Variants in SMCHD1 observed in about 807,000 individuals in gnomAD.
SMCHD1 encodes the protein structural maintenance of chromosomes flexible hinge domain-containing protein 1.
Under a neutral mutation model 254.7 loss-of-function variants are expected in SMCHD1, and 78 were observed. The ratio of observed to expected loss-of-function variants is 0.31; its 90% CI spans 0.26 to 0.37. The LOEUF is 0.37. Among genes scored for constraint, SMCHD1 ranks in the 10% least tolerant of loss-of-function variants. The pLI is 1.00. For synonymous variants in SMCHD1, 766 were observed against 794.9 expected (o/e 0.96, Z 0.61); for missense variants, 1,840 against 2,408.1 (o/e 0.76, Z 4.94).
chr18:2,792,507 C>T (rs905638945), intron 45 of SMCHD1, among the ~76,000 whole-genome samples: 1 of 152,158 alleles, frequency 6.6e-6, no homozygotes, highest in Admixed American at 6.5e-5. Context: ...GCACAGGGTT[C>T]AGTAGTATCC....
At chr18:2,776,703 GTC>G in intron 42 of SMCHD1, among the ~76,000 whole-genome samples, 1 of 152,092 alleles carries the variant, frequency 6.6e-6, no homozygotes. Context: ...GGAGAATGGT[GTC>G]TCATTAAGAG....
At chr18:2,661,674 G>A (rs1289841750) in intron 1 of SMCHD1, among the ~76,000 whole-genome samples, 2 of 152,110 alleles carry the variant, frequency 1.3e-5, no homozygotes, top group Non-Finnish European at 2.9e-5. Flanking sequence ...AGGCAATACT[G>A]GATACAATTA....
Position 2,674,040 on chromosome 18 carries a change from C to T in SMCHD1, c.533C>T (p.Pro178Leu), listed in dbSNP as rs753740668. 2 of 1,594,798 alleles carry T rather than the reference C, an allele frequency of 1.3e-6. No homozygotes were observed. Among genetic ancestry groups the T allele is most frequent in the Non-Finnish European group, 8.5e-7 (1 of 1,170,130 alleles). The change falls in exon 5 of 48, where the codon CCT becomes CTT. Residue 178 changes from proline to leucine, a missense_variant. This residue lies in a region of SMCHD1 where 498 missense variants were observed against 743.5 expected (regional missense o/e 0.67). Transcript: ENST00000320876. ...KLLFDETQGKPAVAVIDNGRG... is the reference protein window; with the variant it reads ...KLLFDETQGKLAVAVIDNGRG... ...CTTTTTGATGAAACACAAGGAAAAC[C>T]TGCTGTTGCAGTGATAGATAATGGA... is the stretch of plus-strand genomic sequence containing the variant.
chr18:2,688,797 G>C, intron 7 of SMCHD1, 50 bp downstream of exon 7: 1 of 1,103,494 alleles, frequency 9.1e-7, no homozygotes, highest in Non-Finnish European at 1.3e-6. Flanking sequence ...TTGGATAGAC[G>C]GTGGGACAGA....
At chr18:2,679,169 A>G (rs1347587388) in intron 5 of SMCHD1, among the ~76,000 whole-genome samples, 1 of 146,832 alleles carries the variant, frequency 6.8e-6, no homozygotes, top group Admixed American at 6.7e-5. Context: ...TTTGAAGGCT[A>G]CTTGTGCTGG....
chr18:2,682,409 C>A (rs532158219), intron 5 of SMCHD1, among the ~76,000 whole-genome samples: 36 of 151,972 alleles, frequency 2.4e-4, no homozygotes, highest in African/African-American at 8.4e-4. Flanking sequence ...TCACTGCAAC[C>A]CTGCCTCCCA....
At chr18:2,740,608 AGAGT>A in intron 27 of SMCHD1, 91 bp from the exon 28 acceptor site, 1 of 527,892 alleles carries the variant, frequency 1.9e-6, no homozygotes, top group Non-Finnish European at 3.1e-6. Flanking sequence ...AAGAGAACAA[AGAGT>A]AAGTTTCTAA....
At chr18:2,790,597 T>C (rs1356508796) in intron 45 of SMCHD1, among the ~76,000 whole-genome samples, 1 of 152,026 alleles carries the variant, frequency 6.6e-6, no homozygotes, top group African/African-American at 2.4e-5. Flanking sequence ...CCATCTCTAC[T>C]AAAAATACAA....
intron 45 of SMCHD1, among the ~76,000 whole-genome samples, chr18:2,785,670 A>AAAAAAAAAAAAAAAAAG (rs57180698): frequency 1.0e-5 from 1 of 97,932 alleles, no homozygotes; most frequent in Non-Finnish European, 1.9e-5. Context: ...AAAAAAAAAA[A>AAAAAAAAAAAAAAAAAG]ACAGTTCATT....
At chr18:2,767,584 C>CTTTTTTTTTTTT (rs397858216) in intron 37 of SMCHD1, among the ~76,000 whole-genome samples, 2 of 89,250 alleles carry the variant, frequency 2.2e-5, no homozygotes, top group Non-Finnish European at 4.0e-5. Context: ...AACCTATTTC[C>CTTTTTTTTTTTT]TTTTTTTTTT....
chr18:2,786,020 T>C (rs2076234740), intron 45 of SMCHD1, among the ~76,000 whole-genome samples: 1 of 152,188 alleles, frequency 6.6e-6, no homozygotes, highest in African/African-American at 2.4e-5. Context: ...TCTTATTTTT[T>C]ATTTTTTATT....
At chr18:2,761,544 C>A (rs1291712240) in intron 35 of SMCHD1, among the ~76,000 whole-genome samples, 1 of 152,140 alleles carries the variant, frequency 6.6e-6, no homozygotes, top group Non-Finnish European at 1.5e-5. Context: ...AGGCTGGGTG[C>A]AGTGGCTCAC....
chr18:2,728,162 T>G (rs561511750), intron 22 of SMCHD1, among the ~76,000 whole-genome samples: 1 of 152,228 alleles, frequency 6.6e-6, no homozygotes, highest in African/African-American at 2.4e-5. Flanking sequence ...TTTTTCCCAG[T>G]ATCTTTTAAA....
At chr18:2,721,762 G>T (rs2074932848) in intron 19 of SMCHD1, among the ~76,000 whole-genome samples, 1 of 152,138 alleles carries the variant, frequency 6.6e-6, no homozygotes, top group African/African-American at 2.4e-5. Context: ...TTTAGATTGT[G>T]TACCTCTTCT....
chr18:2,707,422 G>T, intron 15 of SMCHD1, 141 bp from the exon 16 acceptor site: 5 of 436,264 alleles, frequency 1.1e-5, no homozygotes, highest in East Asian at 3.8e-5. Flanking sequence ...ATTTTTAGAT[G>T]ATTAATCGTA....
rs79226463 is a variant in SMCHD1 at position 2,708,148 on chromosome 18, T to C, written c.2260+228T>C. Among the ~76,000 whole-genome samples, 11,039 of 152,166 alleles carry C rather than the reference T, an allele frequency of 0.073. 567 individuals carry two copies. The highest frequency in any genetic ancestry group is 0.15 in the Admixed American group (2,354 of 15,268). ...AATTTTTTCATGTGGGTAACTGGGC[T>C]AAAGTAAAGGCATGATACATATATG... is the stretch of plus-strand genomic sequence containing the variant. On this transcript the variant is annotated intron_variant, in intron 17 of 47. Coordinates refer to ENST00000320876, the MANE Select transcript of SMCHD1 (RefSeq NM_015295.3).
At chr18:2,743,022 A>G (rs1335450425) in intron 28 of SMCHD1, among the ~76,000 whole-genome samples, 1 of 152,180 alleles carries the variant, frequency 6.6e-6, no homozygotes, top group Non-Finnish European at 1.5e-5. Flanking sequence ...CAGAAACAAA[A>G]ATAAAATTTT....
intron 33 of SMCHD1, among the ~76,000 whole-genome samples, chr18:2,751,937 G>A (rs981789831): frequency 2.0e-5 from 3 of 151,956 alleles, no homozygotes; most frequent in Non-Finnish European, 4.4e-5. Flanking sequence ...AGGATTTTAC[G>A]TTCTTTTATC....
rs114620188 is a variant in SMCHD1, at chr18:2,784,390, C to T, written c.5548-60C>T. On this transcript the variant is annotated intron_variant, in intron 44 of 47. Transcript: ENST00000320876. ...ATCTCAGAAACTTTAAATTATTTCT[C>T]CTTTTTTGGAGCAGTTGAAATAAGT... 8.5e-4 allele frequency: 1,148 copies of T among 1,357,692 alleles called. 7 individuals are homozygous for T. The African/African-American group carries it at 0.016, about 19-fold the overall frequency. 84.1% of individuals were successfully genotyped at this position (1,357,692 alleles called of 1,614,324 possible).
Sources: gnomAD v4.1 joint callset for allele counts (sites outside exome capture counted in the v4.1 genomes callset) on GRCh38, gnomAD v4.1.1 for gene constraint, gnomAD v4.1.1 regional missense constraint, MANE v1.5 for transcripts, NCBI Gene and HGNC (gene_info 2026-07-23, HGNC 2026-07-21) for gene names.